The following TAGAP variants were observed in gnomAD, a reference collection of about 807,000 sequenced individuals.
The protein encoded by TAGAP is T-cell activation Rho GTPase-activating protein.
Under a neutral mutation model 36.0 loss-of-function variants are expected in TAGAP, and 16 were observed. That is an observed-to-expected ratio of 0.44 (90% CI 0.30 to 0.68). The LOEUF (loss-of-function observed/expected upper bound fraction) is 0.68, where lower values mean the gene tolerates loss of function less well. Ranked by LOEUF, TAGAP falls within the 30% of genes least tolerant of loss-of-function variation. The pLI is 0.09. For synonymous variants in TAGAP, 372 were observed against 377.4 expected, an observed-to-expected ratio of 0.99 and a Z score of 0.17; for missense variants, 794 against 921.5, an observed-to-expected ratio of 0.86 and a Z score of 1.79.
rs560653809 is a variant in TAGAP at position 159,036,116 on chromosome 6, G to T, written c.1907C>A (p.Pro636His). 2.2e-5 allele frequency: 35 copies of T among 1,613,748 alleles called. No homozygotes were observed. The East Asian group carries it at 7.1e-4, about 33-fold the overall frequency. The stretch of plus-strand genomic sequence containing the variant: ...CTCTACGTGGTGAGCAGGTGGAAGA[G>T]GGGGTAGGAGGCAGTGCGCCTCCAG... ...RMLEAHCLLP[P>H]LPPAHHVEDS... is the part of the protein sequence containing the mutation. The change falls in exon 10 of 10, where the codon CCT (proline) becomes CAT (histidine). Residue 636 changes from proline to histidine, a missense_variant. Physicochemically the swap from Pro to His is moderately conservative, Grantham distance 77 (BLOSUM62 -2). Transcript: ENST00000367066. The surrounding 1 kb of genome is among the most constrained non-coding windows in gnomAD (Gnocchi z 4.9).
In TAGAP at chr6:159,041,439, C is replaced by T. The variant is rs149576847; in HGVS notation, c.392G>A (p.Arg131His). 25 of 1,614,068 alleles carry T rather than the reference C, an allele frequency of 1.5e-5. No individual in the cohort carries two copies. The highest frequency in any genetic ancestry group is 5.3e-5 in the African/African-American group (4 of 74,910). ...IFRRAANEKA[R>H]KELKEELNSG... ...GTTGAGCTCCTCCTTCAGCTCCTTA[C>T]GGGCTTTCTCGTTGGCTGCTCTCCT... Residue 131 changes from arginine to histidine, a missense_variant, in exon 6 of 10, where the codon CGT (arginine) becomes CAT (histidine). Physicochemically the swap from Arg to His is conservative, Grantham distance 29 (BLOSUM62 0). Transcript: ENST00000367066. The surrounding 1 kb of genome is among the most constrained non-coding windows in gnomAD (Gnocchi z 4.1).
At position 159,037,121 on chromosome 6, in the gene TAGAP, A is replaced by G; in HGVS notation, c.902T>C (p.Val301Ala). ...GGCTGAGTCATTCTGCAGGGTCGAC[A>G]CATCTGGGGGAAGTCAAGCAGCAGT... The part of the protein sequence containing the change: ...DSLEHTDSSD[V>A]STLQNDSAYD... Residue 301 changes from valine to alanine, a missense_variant, in exon 10 of 10, where the codon GTG becomes GCG. Physicochemically the swap from Val to Ala is moderately conservative, Grantham distance 64. Coordinates refer to ENST00000367066, the MANE Select transcript of TAGAP (RefSeq NM_054114.5). This position sits in a 1 kb window ranked among gnomAD's most constrained non-coding sequence, Gnocchi z 5.1. 1 of 1,601,516 alleles carries G rather than the reference A, an allele frequency of 6.2e-7. No homozygotes were observed. Among genetic ancestry groups the G allele is most frequent in the Non-Finnish European group, 8.5e-7 (1 of 1,177,660 alleles).
Position 159,036,057 on chromosome 6 carries a change from G to A in TAGAP, c.1966C>T (p.Pro656Ser), listed in dbSNP as rs774501392. The change falls in exon 10 of 10, where the codon CCT (proline) becomes TCT (serine). Residue 656 changes from proline to serine, a missense_variant. Coordinates refer to ENST00000367066, the MANE Select transcript of TAGAP (RefSeq NM_054114.5). This position sits in a 1 kb window ranked among gnomAD's most constrained non-coding sequence, Gnocchi z 4.9. The stretch of plus-strand genomic sequence containing the variant: ...GGCAGGGGAGAGAGTCCGTGGCCAG[G>A]GAGTGGCTCTTTGCTGCCCCTGTGT... ...SRHRGSKEPL[P>S]GHGLSPLPER... is the part of the protein sequence containing the mutation. 3.0e-5 allele frequency: 49 copies of A among 1,612,244 alleles called. No homozygotes were observed. Among genetic ancestry groups the A allele is most frequent in the Non-Finnish European group, 4.0e-5 (47 of 1,178,580 alleles).
In TAGAP at chr6:159,036,916, G is replaced by A. The variant is rs746941697; in HGVS notation, c.1107C>T (p.Leu369=). 2.5e-6 allele frequency: 4 copies of A among 1,613,944 alleles called. No homozygotes were observed. Among genetic ancestry groups the A allele is most frequent in the East Asian group, 2.2e-5 (1 of 44,862 alleles). ...CTGAGTATCTCCTATCGGGCTGTGCGAGGGAGCTTTTCAGCCTGGCCACGG... is the reference window on the plus strand; with the variant it reads ...CTGAGTATCTCCTATCGGGCTGTGCAAGGGAGCTTTTCAGCCTGGCCACGG... ...VSTVARLKSS[L]AQPDRRYSEP... The change falls in exon 10 of 10, where the codon CTC becomes CTT. Residue 369 remains leucine (L), a synonymous_variant. Coordinates refer to ENST00000367066, the MANE Select transcript of TAGAP (RefSeq NM_054114.5). This position sits in a 1 kb window ranked among gnomAD's most constrained non-coding sequence, Gnocchi z 4.9.
chr6:159,041,692 A>G lies in TAGAP; in HGVS notation c.316-177T>C. On this transcript the variant is annotated intron_variant, in intron 5 of 9. Transcript: ENST00000367066. This position sits in a 1 kb window ranked among gnomAD's most constrained non-coding sequence, Gnocchi z 4.1. ...CAAATTGTGAAAGCTCTAATTTTGC[A>G]CTTTCTAAAATCACTTTGGAGCTCT... is the stretch of plus-strand genomic sequence containing the variant. 1.5e-6 allele frequency: 1 copy of G among 674,948 alleles called. No individual in the cohort carries two copies. The highest frequency in any genetic ancestry group is 2.4e-6 in the Non-Finnish European group (1 of 421,028). 41.8% of individuals were successfully genotyped at this position (674,948 alleles called of 1,614,324 possible).
Position 159,036,473 on chromosome 6 carries a change from T to C in TAGAP, c.1550A>G (p.Lys517Arg), listed in dbSNP as rs1779540197. Residue 517 changes from lysine (K) to arginine (R), a missense_variant, in exon 10 of 10, where the codon AAA becomes AGA. Coordinates refer to ENST00000367066, the MANE Select transcript of TAGAP (RefSeq NM_054114.5). This position sits in a 1 kb window ranked among gnomAD's most constrained non-coding sequence, Gnocchi z 4.9. ...GCTGAGGTTTTTGGTCAGCACTTTTTTGTGAGGGGCAAAGGTGAAAGACAT... is the reference window on the plus strand; with the variant it reads ...GCTGAGGTTTTTGGTCAGCACTTTTCTGTGAGGGGCAAAGGTGAAAGACAT... ...HSMSFTFAPH[K>R]KVLTKNLSAG... The C allele has an allele frequency of 1.2e-6, 2 of 1,613,994 alleles. No individual in the cohort carries two copies. Among genetic ancestry groups the C allele is most frequent in the South Asian group, 2.2e-5 (2 of 91,080 alleles).
rs1468022214 is a variant in TAGAP at position 159,034,812 on chromosome 6, CA to C, written c.*1014del. On this transcript the variant is annotated 3_prime_UTR_variant, in exon 10 of 10. Coordinates refer to ENST00000367066, the MANE Select transcript of TAGAP (RefSeq NM_054114.5). Reference sequence around the variant, plus strand: ...AGTAGGTGCTTTTTTAATGGTTTTGCAAATTCTGGAGAACAGGGACTGCTTC... The same window carrying C: ...AGTAGGTGCTTTTTTAATGGTTTTGCAATTCTGGAGAACAGGGACTGCTTC... The C allele has an allele frequency of 2.0e-5, 3 of 152,084 alleles. No homozygotes were observed. The East Asian group carries it at 5.8e-4, about 29-fold the overall frequency. The allele number at this position is 152,084 out of a possible 1,614,324, so 9.4% of individuals were successfully genotyped here. A position where few individuals can be genotyped will look rare whatever the true frequency, so the allele number is the denominator to read the frequency against.
intron 4 of TAGAP, among the ~76,000 whole-genome samples, 188 bp downstream of exon 4, chr6:159,043,401 C>T (rs989556774): frequency 6.6e-6 from 1 of 152,228 alleles, no homozygotes; most frequent in African/African-American, 2.4e-5. Flanking sequence ...AGGCTCTTTC[C>T]TTTCCCAGCA....
Position 159,043,929 on chromosome 6 carries a change from T to C in TAGAP, c.81+49A>G. On this transcript the variant is annotated intron_variant, in intron 3 of 9. Coordinates refer to ENST00000367066, the MANE Select transcript of TAGAP (RefSeq NM_054114.5). ...ATAATATTCAATTAAAACAAAGTTT[T>C]CCACCTTCTCACAGTACAGATAAAA... is the stretch of plus-strand genomic sequence containing the variant. 2.0e-6 allele frequency: 3 copies of C among 1,529,630 alleles called. 1 individual carries two copies. Among genetic ancestry groups the C allele is most frequent in the Non-Finnish European group, 2.7e-6 (3 of 1,117,374 alleles). 94.8% of individuals were successfully genotyped at this position (1,529,630 alleles called of 1,614,324 possible). A position where few individuals can be genotyped will look rare whatever the true frequency, so the allele number is the denominator to read the frequency against.
At chr6:159,043,496 A>G in intron 4 of TAGAP, 93 bp downstream of exon 4, 4 of 1,191,018 alleles carry the variant, frequency 3.4e-6, no homozygotes, top group Non-Finnish European at 5.0e-6. Context: ...ATACAAAAAA[A>G]TTCCTAGTAG....
chr6:159,041,945 G>T lies in TAGAP; in HGVS notation c.315+133C>A. 2.1e-6 allele frequency: 2 copies of T among 960,802 alleles called. No homozygotes were observed. The highest frequency in any genetic ancestry group is 1.6e-5 in the South Asian group (1 of 61,286). The allele number at this position is 960,802 out of a possible 1,614,324, so 59.5% of individuals were successfully genotyped here. A position where few individuals can be genotyped will look rare whatever the true frequency, so the allele number is the denominator to read the frequency against. Reference sequence around the variant, plus strand: ...TCTGACTGCACGCGTATGTGGGAGTGCCATGTTGAAGAGTGGAAAATATGG... The same window carrying T: ...TCTGACTGCACGCGTATGTGGGAGTTCCATGTTGAAGAGTGGAAAATATGG... On this transcript the variant is annotated intron_variant, in intron 5 of 9. Coordinates refer to ENST00000367066, the MANE Select transcript of TAGAP (RefSeq NM_054114.5). This position sits in a 1 kb window ranked among gnomAD's most constrained non-coding sequence, Gnocchi z 4.1.
Position 159,035,607 on chromosome 6 carries a change from A to C in TAGAP, c.*220T>G. On this transcript the variant is annotated 3_prime_UTR_variant, in exon 10 of 10. Coordinates refer to ENST00000367066, the MANE Select transcript of TAGAP (RefSeq NM_054114.5). ...ATCCTTTGCACCTAACACCTTATCT[A>C]TAATACATTTGATACATTTTTACAT... The C allele has an allele frequency of 2.0e-6, 1 of 501,906 alleles. No homozygotes were observed. The highest frequency in any genetic ancestry group is 3.5e-6 in the Non-Finnish European group (1 of 281,736). 31.1% of individuals were successfully genotyped at this position (501,906 alleles called of 1,614,324 possible). A position where few individuals can be genotyped will look rare whatever the true frequency, so the allele number is the denominator to read the frequency against.
In TAGAP at chr6:159,037,333, T is replaced by C. The variant is rs12202098; in HGVS notation, c.899-209A>G. Among the ~76,000 whole-genome samples the C allele has an allele frequency of 0.14, 20,581 of 151,992 alleles. 1,977 individuals carry two copies. Among genetic ancestry groups the C allele is most frequent in the East Asian group, 0.4 (2,089 of 5,162 alleles). On this transcript the variant is annotated intron_variant, in intron 9 of 9. Transcript: ENST00000367066. This position sits in a 1 kb window ranked among gnomAD's most constrained non-coding sequence, Gnocchi z 5.1. ...CAGCCTCAGTAGCTGGGATTACAGG[T>C]GCCCGCCACCATGCCTGGCTATTTT... is the stretch of plus-strand genomic sequence containing the variant.
chr6:159,041,644 C>T lies in TAGAP; in HGVS notation c.316-129G>A, dbSNP rs1026371703. On this transcript the variant is annotated intron_variant, in intron 5 of 9. Transcript: ENST00000367066. The surrounding 1 kb of genome is among the most constrained non-coding windows in gnomAD (Gnocchi z 4.1). ...GTTGCTGTCAATGGCCTTCCTCAAC[C>T]CTGCTATTTTTCTAAGAGGAGGCAA... is the stretch of plus-strand genomic sequence containing the variant. 4.6e-6 allele frequency: 5 copies of T among 1,082,752 alleles called. No homozygotes were observed. The highest frequency in any genetic ancestry group is 6.3e-6 in the Non-Finnish European group (5 of 788,874). The allele number at this position is 1,082,752 out of a possible 1,614,324, so 67.1% of individuals were successfully genotyped here.
chr6:159,043,084 T>C (rs1779815168), intron 4 of TAGAP: 1 of 154,088 alleles, frequency 6.5e-6, no homozygotes, highest in African/African-American at 2.4e-5. Context: ...ACATTTCAGA[T>C]TGGCAAGTGG....
Position 159,037,174 on chromosome 6 carries a change from ATTTATT to A in TAGAP, c.899-56_899-51del, listed in dbSNP as rs779840936. 1 of 1,401,692 alleles carries A rather than the reference ATTTATT, an allele frequency of 7.1e-7. No homozygotes were observed. The highest frequency in any genetic ancestry group is 9.4e-7 in the Non-Finnish European group (1 of 1,063,586). 86.8% of individuals were successfully genotyped at this position (1,401,692 alleles called of 1,614,324 possible). A position where few individuals can be genotyped will look rare whatever the true frequency, so the allele number is the denominator to read the frequency against. On this transcript the variant is annotated intron_variant, in intron 9 of 9. Coordinates refer to ENST00000367066, the MANE Select transcript of TAGAP (RefSeq NM_054114.5). The surrounding 1 kb of genome is among the most constrained non-coding windows in gnomAD (Gnocchi z 5.1). ...AACATTTGTTTGGGTTTATTTATTT[ATTTATT>A]TTTATTTGTATTTTTTATTTTCATT...
At position 159,041,025 on chromosome 6, in the gene TAGAP, C is replaced by T; in HGVS notation, c.478-193G>A. 1 of 591,122 alleles carries T rather than the reference C, an allele frequency of 1.7e-6. No homozygotes were observed. The highest frequency in any genetic ancestry group is 3.0e-6 in the Non-Finnish European group (1 of 336,808). 36.6% of individuals were successfully genotyped at this position (591,122 alleles called of 1,614,324 possible). A position where few individuals can be genotyped will look rare whatever the true frequency, so the allele number is the denominator to read the frequency against. ...CCTTGGCCTCTCTGCAACTTTCTAA[C>T]ATCAGGCAGAGTCAGAGGCACCATC... On this transcript the variant is annotated intron_variant, in intron 6 of 9. Coordinates refer to ENST00000367066, the MANE Select transcript of TAGAP (RefSeq NM_054114.5). The surrounding 1 kb of genome is among the most constrained non-coding windows in gnomAD (Gnocchi z 4.1).
Position 159,044,293 on chromosome 6 carries a change from C to G in TAGAP, c.-58-89G>C. On this transcript the variant is annotated intron_variant, in intron 1 of 9. Transcript: ENST00000367066. ...CTTTGCCAAAGCACAGAGTTTGAAA[C>G]TATTTATTTATTTTTCTCTTTTGCT... 5 of 711,448 alleles carry G rather than the reference C, an allele frequency of 7.0e-6. 1 individual carries two copies. In the South Asian group the frequency reaches 1.2e-4, roughly 18 times the overall value. The allele number at this position is 711,448 out of a possible 1,614,324, so 44.1% of individuals were successfully genotyped here.
At chr6:159,038,393 C>CTTTT (rs34454153) in intron 8 of TAGAP, among the ~76,000 whole-genome samples, 165 bp from the exon 9 acceptor site, 4 of 137,314 alleles carry the variant, frequency 2.9e-5, no homozygotes, top group African/African-American at 8.0e-5. Context: ...CAATCAGATA[C>CTTTT]TTTTTTTTTT....
Sources: allele counts gnomAD v4.1 joint callset (sites outside exome capture counted in the v4.1 genomes callset), GRCh38; gene constraint gnomAD v4.1.1; non-coding constraint Gnocchi (gnomAD v3.1); transcripts MANE v1.5; gene names NCBI Gene and HGNC (gene_info 2026-07-23, HGNC 2026-07-21).